SPAG16: variants seen among roughly 807,000 people sequenced by gnomAD.
The protein encoded by SPAG16 is sperm associated antigen 16.
Under a neutral mutation model 80.4 loss-of-function variants are expected in SPAG16, and 86 were observed. That is an observed-to-expected ratio of 1.07 (90% CI 0.90 to 1.28). The LOEUF is 1.28. Among genes scored for constraint, SPAG16 ranks in the 50% most tolerant of loss-of-function variants. The pLI, the probability that SPAG16 is intolerant of heterozygous loss-of-function variation, is 0.00. For missense variants in SPAG16, 870 were observed against 765.3 expected, an observed-to-expected ratio of 1.14 and a Z score of -1.61; for synonymous variants, 294 against 265.9, an observed-to-expected ratio of 1.11 and a Z score of -1.03.
chr2:214,027,417 T>C (rs2048188875), intron 13 of SPAG16, among the ~76,000 whole-genome samples: 1 of 151,730 alleles, frequency 6.6e-6, no homozygotes, highest in African/African-American at 2.4e-5. Context: ...ATTTGGATGG[T>C]TTCTAAGTAA....
intron 14 of SPAG16, among the ~76,000 whole-genome samples, chr2:214,114,471 T>G (rs2053831621): frequency 6.6e-6 from 1 of 151,622 alleles, no homozygotes; most frequent in Non-Finnish European, 1.5e-5. Context: ...CCTTGCTTTT[T>G]GGGCACTTTG....
At chr2:213,359,336 C>T (rs2065847987) in intron 7 of SPAG16, among the ~76,000 whole-genome samples, 1 of 152,208 alleles carries the variant, frequency 6.6e-6, no homozygotes, top group Non-Finnish European at 1.5e-5. Context: ...TTTAAGTCTG[C>T]AGAAGTTTCT....
chr2:213,831,378 C>T (rs2073647578), intron 10 of SPAG16, among the ~76,000 whole-genome samples: 1 of 150,888 alleles, frequency 6.6e-6, no homozygotes, highest in South Asian at 2.1e-4. Context: ...TGATATTTCT[C>T]CCTGCCAAAA....
chr2:213,384,446 C>T (rs1188961007), intron 9 of SPAG16, among the ~76,000 whole-genome samples: 1 of 152,132 alleles, frequency 6.6e-6, no homozygotes, highest in African/African-American at 2.4e-5. Flanking sequence ...TACTTAGTCC[C>T]TATATGCCTC....
At chr2:213,863,444 A>G (rs1350427178) in intron 11 of SPAG16, among the ~76,000 whole-genome samples, 1 of 152,108 alleles carries the variant, frequency 6.6e-6, no homozygotes, top group Non-Finnish European at 1.5e-5. Context: ...ATGAATGTCT[A>G]TGAAATTAGA....
chr2:214,325,360 G>C (rs1413442112), intron 15 of SPAG16, among the ~76,000 whole-genome samples: 2 of 152,146 alleles, frequency 1.3e-5, no homozygotes, highest in Non-Finnish European at 2.9e-5. Context: ...TAGTATCAAG[G>C]AACAAAACTG....
At chr2:214,140,894 G>A (rs1443109168) in intron 14 of SPAG16, among the ~76,000 whole-genome samples, 3 of 114,208 alleles carry the variant, frequency 2.6e-5, no homozygotes, top group Non-Finnish European at 4.9e-5. Flanking sequence ...AACTATTTTA[G>A]TTGTTTCTTA....
chr2:213,934,486 T>A (rs2078904985), intron 12 of SPAG16, among the ~76,000 whole-genome samples: 1 of 152,128 alleles, frequency 6.6e-6, no homozygotes, highest in Non-Finnish European at 1.5e-5. Context: ...TTTTTTTGGT[T>A]GTGGAGAGAA....
intron 11 of SPAG16, among the ~76,000 whole-genome samples, chr2:213,896,369 A>G (rs944137590): frequency 6.6e-6 from 1 of 152,006 alleles, no homozygotes; most frequent in Non-Finnish European, 1.5e-5. Flanking sequence ...TTGCATAGCT[A>G]CTATGGAGAA....
intron 13 of SPAG16, among the ~76,000 whole-genome samples, chr2:214,039,618 T>C (rs2048898759): frequency 6.6e-6 from 1 of 152,226 alleles, no homozygotes; most frequent in Non-Finnish European, 1.5e-5. Flanking sequence ...TTCATTTCTT[T>C]GTTGGATTCT....
intron 10 of SPAG16, among the ~76,000 whole-genome samples, chr2:213,597,722 T>TTTAAGAAAAAAAA (rs1354095559): frequency 6.6e-6 from 1 of 152,152 alleles, no homozygotes; most frequent in Non-Finnish European, 1.5e-5. Context: ...TTTTGTTACA[T>TTTAAGAAAAAAAA]ATTTTGCAAA....
In SPAG16 at chr2:213,713,627, A is replaced by G. The variant is rs1463285645; in HGVS notation, c.1071-148858A>G. Among the ~76,000 whole-genome samples the G allele has an allele frequency of 2.6e-5, 4 of 152,182 alleles. 1 individual carries two copies. Among genetic ancestry groups the G allele is most frequent in the African/African-American group, 4.8e-5 (2 of 41,450 alleles). ...TTTCAGCTTTCCTCTACTTCTCACC[A>G]CTTCTCCATCCCACACAGAGGACTC... On this transcript the variant is annotated intron_variant, in intron 10 of 15. Transcript: ENST00000331683.
intron 10 of SPAG16, among the ~76,000 whole-genome samples, chr2:213,821,255 A>C (rs968038663): frequency 6.6e-6 from 1 of 152,128 alleles, no homozygotes; most frequent in Non-Finnish European, 1.5e-5. Flanking sequence ...TTCTCCAGTA[A>C]ATTGACAAGC....
At chr2:213,312,782 A>G (rs2063248369) in intron 4 of SPAG16, among the ~76,000 whole-genome samples, 1 of 151,826 alleles carries the variant, frequency 6.6e-6, no homozygotes, top group South Asian at 2.1e-4. Flanking sequence ...ATTAATTTGC[A>G]TGAAAGAAAT....
chr2:213,545,848 T>C (rs945749879), intron 10 of SPAG16, among the ~76,000 whole-genome samples: 1 of 152,062 alleles, frequency 6.6e-6, no homozygotes, highest in Non-Finnish European at 1.5e-5. Flanking sequence ...GAATGCCAAA[T>C]GTTGATGTCC....
chr2:213,304,348 T>C (rs1264402303), intron 3 of SPAG16, among the ~76,000 whole-genome samples: 1 of 152,158 alleles, frequency 6.6e-6, no homozygotes, highest in Non-Finnish European at 1.5e-5. Flanking sequence ...TTATTGATTG[T>C]TTCCTTTGCT....
At chr2:213,647,212 A>G (rs2062852457) in intron 10 of SPAG16, among the ~76,000 whole-genome samples, 1 of 152,102 alleles carries the variant, frequency 6.6e-6, no homozygotes, top group Non-Finnish European at 1.5e-5. Flanking sequence ...TTATTACACT[A>G]CTCAAGAGGG....
At chr2:214,216,106 G>T (rs973247863) in intron 15 of SPAG16, among the ~76,000 whole-genome samples, 1 of 152,118 alleles carries the variant, frequency 6.6e-6, no homozygotes, top group Non-Finnish European at 1.5e-5. Flanking sequence ...ATTTTAAATT[G>T]GTAGAATAAT....
chr2:214,048,640 T>A (rs2049471607), intron 13 of SPAG16, among the ~76,000 whole-genome samples: 1 of 152,154 alleles, frequency 6.6e-6, no homozygotes, highest in African/African-American at 2.4e-5. Flanking sequence ...ACCTAGTATT[T>A]GCTAACACAA....
Sources: gnomAD v4.1 joint callset for allele counts (sites outside exome capture counted in the v4.1 genomes callset) on GRCh38, gnomAD v4.1.1 for gene constraint, MANE v1.5 for transcripts, NCBI Gene and HGNC (gene_info 2026-07-23, HGNC 2026-07-21) for gene names.